CACNA1E: variants seen among roughly 807,000 people sequenced by gnomAD.
The protein encoded by CACNA1E is calcium voltage-gated channel subunit alpha1 E, also known as voltage-dependent R-type calcium channel subunit alpha-1E.
A neutral mutation model predicts 259.2 loss-of-function variants in CACNA1E; 40 were observed. That is an observed-to-expected ratio of 0.15 (90% CI 0.12 to 0.20). The LOEUF (loss-of-function observed/expected upper bound fraction) is 0.20, where lower values mean the gene tolerates loss of function less well. Among genes scored for constraint, CACNA1E ranks in the 10% least tolerant of loss-of-function variants. CACNA1E has a pLI of 1.00. For synonymous variants in CACNA1E, 1,104 were observed against 1,138.5 expected, an observed-to-expected ratio of 0.97 and a Z score of 0.61; for missense variants, 1,874 against 3,040.1, an observed-to-expected ratio of 0.62 and a Z score of 9.02.
At chr1:181,475,373 C>T (rs895266600) in intron 2 of CACNA1E, among the ~76,000 whole-genome samples, 8 of 152,070 alleles carry the variant, frequency 5.3e-5, no homozygotes, top group East Asian at 1.9e-4. Context: ...GTACTATGAA[C>T]GATACAGAAA....
intron 1 of CACNA1E, among the ~76,000 whole-genome samples, chr1:181,321,399 C>T (rs756330493): frequency 2.6e-5 from 4 of 152,288 alleles, no homozygotes; most frequent in South Asian, 2.1e-4. Context: ...AAAGGCAGAG[C>T]GCATGTCACC....
chr1:181,329,814 T>G (rs919567579), intron 1 of CACNA1E, among the ~76,000 whole-genome samples: 1 of 152,240 alleles, frequency 6.6e-6, no homozygotes, highest in Non-Finnish European at 1.5e-5. Flanking sequence ...TTAGCATCTG[T>G]GTCTCCCAGG....
chr1:181,653,135 G>A (rs1007399037), intron 7 of CACNA1E, among the ~76,000 whole-genome samples: 12 of 151,982 alleles, frequency 7.9e-5, no homozygotes, highest in South Asian at 4.2e-4. Context: ...ATAGCTCCGC[G>A]GCTTAAAACT....
chr1:181,368,149 G>A (rs1654414552), intron 1 of CACNA1E, among the ~76,000 whole-genome samples: 1 of 152,084 alleles, frequency 6.6e-6, no homozygotes, highest in Admixed American at 6.5e-5. Flanking sequence ...AAAATCGCTT[G>A]AGCCTGGGAG....
intron 16 of CACNA1E, among the ~76,000 whole-genome samples, chr1:181,723,655 G>T (rs557855050): frequency 5.8e-4 from 88 of 152,304 alleles, no homozygotes; most frequent in African/African-American, 2.1e-3. Flanking sequence ...TACTTTACCT[G>T]TGTTTTGAAG....
At chr1:181,492,952 AGT>A (rs1470397229) in intron 1 of CACNA1E, among the ~76,000 whole-genome samples, 1 of 152,162 alleles carries the variant, frequency 6.6e-6, no homozygotes, top group Non-Finnish European at 1.5e-5. Flanking sequence ...ATGTCTGAGT[AGT>A]GACCTGAGTA....
intron 7 of CACNA1E, among the ~76,000 whole-genome samples, chr1:181,688,858 T>C (rs569806782): frequency 2.6e-5 from 4 of 152,264 alleles, no homozygotes; most frequent in African/African-American, 9.6e-5. Flanking sequence ...CTTGCTTCTA[T>C]GAGTTCTACT....
At chr1:181,338,117 G>A (rs867772825) in intron 1 of CACNA1E, among the ~76,000 whole-genome samples, 5 of 152,022 alleles carry the variant, frequency 3.3e-5, no homozygotes, top group African/African-American at 7.2e-5. Flanking sequence ...ATGGAGTCTC[G>A]TGCTCTCACC....
chr1:181,767,403 C>T (rs1659114284), intron 35 of CACNA1E, among the ~76,000 whole-genome samples: 2 of 152,308 alleles, frequency 1.3e-5, no homozygotes, highest in Admixed American at 6.5e-5. Flanking sequence ...TGCTTGTCTC[C>T]AGAGGGCTAA....
At position 181,790,494 on chromosome 1, in the gene CACNA1E, A is replaced by T. The variant is rs567484183; in HGVS notation, c.5836A>T (p.Ile1946Leu). Residue 1946 changes from isoleucine (I) to leucine (L), a missense_variant, in exon 44 of 48, where the codon ATA (isoleucine) becomes TTA (leucine). By Grantham distance (5) the Ile-to-Leu change is conservative. Coordinates refer to ENST00000367573, the MANE Select transcript of CACNA1E (RefSeq NM_001205293.3). ...GATGAGTCCACTCTCTCCCCAGGAT[A>T]TATTCCAGTTGGCTTGTATGGACCC... is the stretch of plus-strand genomic sequence containing the variant. ...PSMSPLSPQDIFQLACMDPAD... is the reference protein window; with the variant it reads ...PSMSPLSPQDLFQLACMDPAD... The T allele has an allele frequency of 4.6e-5, 74 of 1,613,724 alleles. 1 individual carries two copies. The South Asian group carries it at 7.8e-4, about 17-fold the overall frequency.
In CACNA1E at chr1:181,682,144, A is replaced by G. The variant is rs181299546; in HGVS notation, c.1056-28810A>G. Among the ~76,000 whole-genome samples the G allele has an allele frequency of 3.2e-3, 487 of 152,304 alleles. 3 individuals carry two copies. The highest frequency in any genetic ancestry group is 0.011 in the African/African-American group (468 of 41,562). On this transcript the variant is annotated intron_variant, in intron 7 of 47. Coordinates refer to ENST00000367573, the MANE Select transcript of CACNA1E (RefSeq NM_001205293.3). ...AGCGTTAATGACTATCCGATTAACG[A>G]TGACCCCATAGTGGGTATAGACCCT...
chr1:181,392,905 G>A (rs1656398237), intron 1 of CACNA1E, among the ~76,000 whole-genome samples: 1 of 152,204 alleles, frequency 6.6e-6, no homozygotes, highest in African/African-American at 2.4e-5. Context: ...GAAATGTTAT[G>A]TTTAGCAATG....
chr1:181,465,785 G>A (rs145995564), intron 2 of CACNA1E, among the ~76,000 whole-genome samples: 210 of 151,198 alleles, frequency 1.4e-3, no homozygotes, highest in Middle Eastern at 6.8e-3. Flanking sequence ...CTTGTTCTTT[G>A]TATTAGCTAA....
At chr1:181,444,817 C>T (rs111476668) in intron 2 of CACNA1E, among the ~76,000 whole-genome samples, 6,691 of 152,180 alleles carry the variant, frequency 0.044, 350 homozygotes, top group African/African-American at 0.13. Context: ...TTCCCCAGCT[C>T]ACCGCCATGA....
intron 2 of CACNA1E, among the ~76,000 whole-genome samples, chr1:181,454,437 A>G (rs1396546500): frequency 6.6e-6 from 1 of 152,224 alleles, no homozygotes. Flanking sequence ...AGTAGAAGAG[A>G]CAGTTGAGGC....
chr1:181,563,439 C>G (rs6678783), intron 3 of CACNA1E, among the ~76,000 whole-genome samples: 36,604 of 152,106 alleles, frequency 0.24, 4,908 homozygotes, highest in Admixed American at 0.32. Context: ...AAAAAGGGCC[C>G]CTGTCCCCCA....
At chr1:181,508,838 G>T (rs1348478835) in intron 1 of CACNA1E, among the ~76,000 whole-genome samples, 2 of 152,188 alleles carry the variant, frequency 1.3e-5, no homozygotes, top group African/African-American at 4.8e-5. Context: ...CATGTGGGGA[G>T]GCTCCCCTCT....
intron 7 of CACNA1E, among the ~76,000 whole-genome samples, chr1:181,688,626 T>C (rs1021713843): frequency 2.0e-5 from 3 of 152,224 alleles, no homozygotes; most frequent in Admixed American, 2.0e-4. Context: ...AATTAGTCTA[T>C]CACCTCAAAT....
Position 181,726,109 on chromosome 1 carries a change from G to A in CACNA1E, c.2187G>A (p.Leu729=), listed in dbSNP as rs375305724. ...AGGCCTTCAACCAGAAACATGCACTGCAGAAGGCCAAGGAGGTCAGCCCGA... is the reference window on the plus strand; with the variant it reads ...AGGCCTTCAACCAGAAACATGCACTACAGAAGGCCAAGGAGGTCAGCCCGA... ...EEEAFNQKHA[L]QKAKEVSPMS... Residue 729 remains leucine, a synonymous_variant, in exon 18 of 48, where the codon CTG becomes CTA. Coordinates refer to ENST00000367573, the MANE Select transcript of CACNA1E (RefSeq NM_001205293.3). 2 of 1,613,208 alleles carry A rather than the reference G, an allele frequency of 1.2e-6. No individual in the cohort carries two copies. The highest frequency in any genetic ancestry group is 1.3e-5 in the African/African-American group (1 of 75,024).
Sources: allele counts gnomAD v4.1 joint callset (sites outside exome capture counted in the v4.1 genomes callset), GRCh38; gene constraint gnomAD v4.1.1; transcripts MANE v1.5; gene names NCBI Gene and HGNC (gene_info 2026-07-23, HGNC 2026-07-21).